Variants in ACYP2 observed in about 807,000 individuals in gnomAD.
ACYP2 encodes acylphosphatase-2.
ACYP2 carries 12 observed loss-of-function variants against 11.2 expected under a neutral mutation model. The observed-to-expected ratio is 1.08, with a 90% CI of 0.69 to 1.74. The LOEUF (loss-of-function observed/expected upper bound fraction) is 1.74, where lower values mean the gene tolerates loss of function less well. Among genes scored for constraint, ACYP2 ranks in the 40% most tolerant of loss-of-function variants. The pLI is 0.00. For synonymous variants in ACYP2, 43 were observed against 32.2 expected, an observed-to-expected ratio of 1.33 and a Z score of -1.13; for missense variants, 134 against 101.9, an observed-to-expected ratio of 1.31 and a Z score of -1.35.
At chr2:54,214,296 T>C (rs775415627) in intron 6 of ACYP2, among the ~76,000 whole-genome samples, 5 of 152,234 alleles carry the variant, frequency 3.3e-5, no homozygotes, top group Non-Finnish European at 7.3e-5. Flanking sequence ...TTTGGAGTCT[T>C]TGTCATGAAA....
intron 6 of ACYP2, among the ~76,000 whole-genome samples, chr2:54,207,323 T>C (rs958619922): frequency 1.2e-4 from 18 of 152,034 alleles, no homozygotes; most frequent in Non-Finnish European, 2.1e-4. Context: ...GTCTTGATTC[T>C]GAAGCCTGGA....
At chr2:54,146,644 C>T (rs1326080999) in intron 6 of ACYP2, among the ~76,000 whole-genome samples, 1 of 151,992 alleles carries the variant, frequency 6.6e-6, no homozygotes, top group Non-Finnish European at 1.5e-5. Context: ...ACTTTGTCTT[C>T]CAACCTTTCT....
Position 54,245,463 on chromosome 2 carries a change from T to C in ACYP2, c.405-59225T>C, listed in dbSNP as rs114128475. 2.7e-3 allele frequency among the ~76,000 whole-genome samples: 406 copies of C among 152,312 alleles called. 2 individuals are homozygous for C. Among genetic ancestry groups the C allele is most frequent in the Non-Finnish European group, 4.8e-3 (325 of 68,022 alleles). Reference sequence around the variant, plus strand: ...GTTTTTTGAGGAATATTGTTCTCCATAGTGGTTTTGTTGGTTTACATTCCC... The same window carrying C: ...GTTTTTTGAGGAATATTGTTCTCCACAGTGGTTTTGTTGGTTTACATTCCC... On this transcript the variant is annotated intron_variant, in intron 6 of 6. Coordinates refer to ENST00000607452, the MANE Select transcript of ACYP2 (RefSeq NM_001320586.2).
At chr2:54,232,481 C>T (rs1001222050) in intron 6 of ACYP2, among the ~76,000 whole-genome samples, 4 of 152,024 alleles carry the variant, frequency 2.6e-5, no homozygotes, top group Middle Eastern at 3.2e-3. Context: ...GACCTACACC[C>T]GAGGTTGTGG....
chr2:54,071,994 G>C (rs1677073032), intron 4 of ACYP2, among the ~76,000 whole-genome samples: 3 of 152,090 alleles, frequency 2.0e-5, no homozygotes, highest in Admixed American at 2.0e-4. Context: ...CTGGGAGACA[G>C]AGCGAGACTC....
chr2:54,026,155 A>C (rs1674275418), intron 2 of ACYP2, among the ~76,000 whole-genome samples: 1 of 152,124 alleles, frequency 6.6e-6, no homozygotes, highest in Non-Finnish European at 1.5e-5. Flanking sequence ...ACAGTGTGGG[A>C]GAAGATCTTT....
chr2:54,115,481 G>A, intron 4 of ACYP2, 134 bp from the exon 1 acceptor site: 2 of 1,301,990 alleles, frequency 1.5e-6, no homozygotes, highest in South Asian at 1.5e-5. Context: ...GGGGCCCAGC[G>A]GCCTCTTCCC....
intron 6 of ACYP2, among the ~76,000 whole-genome samples, chr2:54,154,094 T>C (rs889011916): frequency 6.6e-6 from 1 of 152,140 alleles, no homozygotes; most frequent in Non-Finnish European, 1.5e-5. Context: ...CTGTTTTCTA[T>C]ATTTCTTTAG....
chr2:54,119,830 C>T (rs1680041303), intron 4 of ACYP2, among the ~76,000 whole-genome samples: 1 of 152,174 alleles, frequency 6.6e-6, no homozygotes, highest in African/African-American at 2.4e-5. Flanking sequence ...AGGATCCCAT[C>T]CAGATACATT....
At chr2:54,225,519 T>C (rs1219573778) in intron 6 of ACYP2, among the ~76,000 whole-genome samples, 2 of 152,206 alleles carry the variant, frequency 1.3e-5, no homozygotes, top group African/African-American at 2.4e-5. Context: ...GATTTTACTA[T>C]GCTCATTTTA....
chr2:54,185,721 TAATA>T (rs1683956420), intron 6 of ACYP2, among the ~76,000 whole-genome samples: 1 of 152,068 alleles, frequency 6.6e-6, no homozygotes, highest in Non-Finnish European at 1.5e-5. Flanking sequence ...TTTGGAAAAA[TAATA>T]AATTCATTTC....
chr2:54,051,316 C>T (rs1675854304), intron 3 of ACYP2: 1 of 765,256 alleles, frequency 1.3e-6, no homozygotes, highest in African/African-American at 1.7e-5. Flanking sequence ...ATGCTTCAGT[C>T]AACTTCTCAG....
At chr2:54,216,591 G>A (rs1336401556) in intron 6 of ACYP2, among the ~76,000 whole-genome samples, 2 of 149,508 alleles carry the variant, frequency 1.3e-5, no homozygotes, top group South Asian at 2.1e-4. Context: ...AGGCTGGAAC[G>A]CAGTGGCGCA....
intron 4 of ACYP2, among the ~76,000 whole-genome samples, chr2:54,100,160 G>T: frequency 6.7e-6 from 1 of 149,978 alleles, no homozygotes; most frequent in East Asian, 1.9e-4. Context: ...AATAATAAAT[G>T]AACATTTACA....
chr2:54,038,074 T>G (rs894547816), intron 2 of ACYP2, among the ~76,000 whole-genome samples: 3 of 152,220 alleles, frequency 2.0e-5, no homozygotes, highest in Non-Finnish European at 4.4e-5. Flanking sequence ...ATAAGGAAAT[T>G]AAAGCATGAA....
rs561276887 is a variant in ACYP2, at chr2:54,258,472, G to A, written c.405-46216G>A. ...TGAATGAGGGAGGCTAGATCAAGTA[G>A]GGTCTTGTATGATAGTGTAAGAAAT... On this transcript the variant is annotated intron_variant, in intron 6 of 6. Transcript: ENST00000607452. Among the ~76,000 whole-genome samples, 58 of 152,292 alleles carry A rather than the reference G, an allele frequency of 3.8e-4. No individual in the cohort carries two copies. In the East Asian group the frequency reaches 0.01, roughly 27 times the overall value.
At chr2:54,065,747 G>A (rs943330540) in intron 4 of ACYP2, 11 of 374,528 alleles carry the variant, frequency 2.9e-5, no homozygotes, top group Non-Finnish European at 5.2e-5. Context: ...TCTCATTCAT[G>A]AGGAAACTCT....
intron 2 of ACYP2, among the ~76,000 whole-genome samples, chr2:54,036,735 A>G (rs1452232018): frequency 6.6e-6 from 1 of 152,230 alleles, no homozygotes; most frequent in Non-Finnish European, 1.5e-5. Context: ...ATTCTGGTCC[A>G]TGTGAGAGTT....
intron 4 of ACYP2, among the ~76,000 whole-genome samples, chr2:54,092,042 C>T (rs1678262971): frequency 6.6e-6 from 1 of 152,068 alleles, no homozygotes; most frequent in Non-Finnish European, 1.5e-5. Flanking sequence ...GGAGACTTTA[C>T]AGAGCTATAA....
Sources: allele counts gnomAD v4.1 joint callset (sites outside exome capture counted in the v4.1 genomes callset), GRCh38; gene constraint gnomAD v4.1.1; transcripts MANE v1.5; gene names NCBI Gene and HGNC (gene_info 2026-07-23, HGNC 2026-07-21).